Variants in CEP162 observed in about 807,000 individuals in gnomAD.
The protein encoded by CEP162 is centrosomal protein of 162 kDa.
Under a neutral mutation model 169.2 loss-of-function variants are expected in CEP162, and 141 were observed. The ratio of observed to expected loss-of-function variants is 0.83; its 90% confidence interval spans 0.73 to 0.96. The LOEUF is 0.96. Among genes scored for constraint, CEP162 ranks in the 40% least tolerant of loss-of-function variants. CEP162 has a pLI of 0.00. For synonymous variants in CEP162, 540 were observed against 526.4 expected (o/e 1.03, Z -0.35); for missense variants, 1,600 against 1,587.2 (o/e 1.01, Z -0.14).
chr6:84,165,806 G>T (rs2099527590), intron 18 of CEP162, among the ~76,000 whole-genome samples: 1 of 152,138 alleles, frequency 6.6e-6, no homozygotes, highest in Admixed American at 6.5e-5. Flanking sequence ...AAAAGCATTT[G>T]TAAAGCATTA....
chr6:84,215,558 T>C (rs561342365), intron 4 of CEP162, 93 bp from the exon 5 acceptor site: 238 of 1,220,464 alleles, frequency 2.0e-4, no homozygotes, highest in Non-Finnish European at 2.5e-4. Flanking sequence ...GTAGTAAATT[T>C]TAAAAATTTT....
intron 24 of CEP162, 62 bp from the exon 25 acceptor site, chr6:84,146,847 A>T: frequency 1.2e-6 from 1 of 848,758 alleles, no homozygotes; most frequent in Non-Finnish European, 1.8e-6. Context: ...TCTGAAAAAT[A>T]TAAGAAAGCC....
chr6:84,191,097 G>A (rs951033731), intron 11 of CEP162, among the ~76,000 whole-genome samples: 1 of 151,762 alleles, frequency 6.6e-6, no homozygotes, highest in Admixed American at 6.6e-5. Context: ...GGACCAAAGC[G>A]ATTATTAAGT....
intron 5 of CEP162, among the ~76,000 whole-genome samples, chr6:84,213,977 C>T (rs949070334): frequency 3.3e-5 from 5 of 152,160 alleles, no homozygotes; most frequent in Non-Finnish European, 5.9e-5. Flanking sequence ...TTTCCACTTA[C>T]TATAAAAGTA....
chr6:84,222,250 T>C (rs1203481707), intron 2 of CEP162, among the ~76,000 whole-genome samples: 1 of 152,160 alleles, frequency 6.6e-6, no homozygotes, highest in East Asian at 1.9e-4. Flanking sequence ...TTATCCTCCC[T>C]GATCACATCA....
chr6:84,209,152 G>C (rs564120195), intron 6 of CEP162, among the ~76,000 whole-genome samples: 1 of 152,202 alleles, frequency 6.6e-6, no homozygotes, highest in African/African-American at 2.4e-5. Flanking sequence ...TCAATTCCCG[G>C]TTCCACTACT....
At chr6:84,164,263 A>C (rs1360003572) in intron 18 of CEP162, among the ~76,000 whole-genome samples, 4 of 152,224 alleles carry the variant, frequency 2.6e-5, no homozygotes, top group Non-Finnish European at 2.9e-5. Flanking sequence ...AGCGTAAATT[A>C]GTTCAACCAT....
intron 13 of CEP162, among the ~76,000 whole-genome samples, chr6:84,184,200 G>C (rs2099536114): frequency 6.6e-6 from 1 of 152,054 alleles, no homozygotes; most frequent in Non-Finnish European, 1.5e-5. Flanking sequence ...CTCGTACATT[G>C]TCAATTATTT....
At position 84,186,583 on chromosome 6, in the gene CEP162, T is replaced by TA. The variant is rs2127713854; in HGVS notation, c.1149dup (p.Ser384Ter). 2 of 1,606,522 alleles carry TA rather than the reference T, an allele frequency of 1.2e-6. No homozygotes were observed. The highest frequency in any genetic ancestry group is 1.1e-5 in the South Asian group (1 of 89,902). On this transcript the variant is annotated frameshift_variant, in exon 12 of 27. Transcript: ENST00000403245. LOFTEE classifies it high-confidence loss of function. Reference sequence around the variant, plus strand: ...GGGTTCATCTTCAGGGGTAAAGAGCTAAAAAATTCAGTTTCTTTTCTTTCG... The same window carrying TA: ...GGGTTCATCTTCAGGGGTAAAGAGCTAAAAAAATTCAGTTTCTTTTCTTTCG...
At chr6:84,132,700 AT>A (rs1562913262) in intron 25 of CEP162, among the ~76,000 whole-genome samples, 2 of 152,084 alleles carry the variant, frequency 1.3e-5, no homozygotes. Context: ...CCATCAGGTG[AT>A]TTAAGGTCTT....
At chr6:84,132,226 G>A (rs2099511874) in intron 25 of CEP162, among the ~76,000 whole-genome samples, 1 of 152,104 alleles carries the variant, frequency 6.6e-6, no homozygotes, top group African/African-American at 2.4e-5. Context: ...TAGTCTGATG[G>A]GCTTCCCTTT....
chr6:84,161,167 A>G (rs2099525618), intron 20 of CEP162, among the ~76,000 whole-genome samples: 1 of 152,122 alleles, frequency 6.6e-6, no homozygotes, highest in Non-Finnish European at 1.5e-5. Flanking sequence ...AGAGGGAGAG[A>G]GTTGATAAGC....
At chr6:84,145,234 C>T (rs1451893363) in intron 25 of CEP162, among the ~76,000 whole-genome samples, 1 of 152,062 alleles carries the variant, frequency 6.6e-6, no homozygotes, top group African/African-American at 2.4e-5. Context: ...AAGGAATTTA[C>T]CTGGATCTAT....
chr6:84,224,038 A>G lies in CEP162; in HGVS notation c.57+2299T>C, dbSNP rs117742607. ...TGATACAGCAATTTCACTCTTTGGC[A>G]TATACACAAGAGGAACAAAAACACA... On this transcript the variant is annotated intron_variant, in intron 2 of 26. Transcript: ENST00000403245. Among the ~76,000 whole-genome samples, 54 of 152,342 alleles carry G rather than the reference A, an allele frequency of 3.5e-4. No individual in the cohort carries two copies. The East Asian group carries it at 0.01, about 28-fold the overall frequency.
intron 14 of CEP162, 21 bp from the exon 15 acceptor site, chr6:84,174,975 T>C: frequency 6.9e-7 from 1 of 1,444,876 alleles, no homozygotes; most frequent in East Asian, 2.3e-5. Flanking sequence ...AAAGCATTAC[T>C]TCATTACAGT....
intron 7 of CEP162, 115 bp from the exon 8 acceptor site, chr6:84,201,882 G>C (rs996237367): frequency 4.0e-5 from 22 of 549,104 alleles, no homozygotes; most frequent in Non-Finnish European, 6.8e-5. Flanking sequence ...ACATTGAAAC[G>C]ATCAGGAACT....
intron 15 of CEP162, among the ~76,000 whole-genome samples, chr6:84,174,465 T>C (rs1341966932): frequency 2.0e-5 from 3 of 152,164 alleles, no homozygotes; most frequent in African/African-American, 7.2e-5. Context: ...AAGGTCAGAA[T>C]GAACTGATTT....
intron 25 of CEP162, among the ~76,000 whole-genome samples, chr6:84,132,489 A>G (rs533961217): frequency 2.6e-5 from 4 of 152,286 alleles, no homozygotes; most frequent in African/African-American, 9.6e-5. Context: ...CCAATCAGAC[A>G]TAGATTTGGT....
chr6:84,185,329 A>T lies in CEP162; in HGVS notation c.1521T>A (p.Tyr507Ter), dbSNP rs771038214. 1.2e-6 allele frequency: 2 copies of T among 1,613,672 alleles called. No homozygotes were observed. Among genetic ancestry groups the T allele is most frequent in the Non-Finnish European group, 1.7e-6 (2 of 1,179,704 alleles). The change falls in exon 13 of 27, where the codon TAT (tyrosine) becomes TAA (stop). Residue 507 changes from tyrosine to a stop codon, truncating the protein, a stop_gained. Coordinates refer to ENST00000403245, the MANE Select transcript of CEP162 (RefSeq NM_014895.4). LOFTEE classifies it high-confidence loss of function. ...LLKRKPQSGL[Y>*]ASVRSSGYGK... ...CATAGCCTGAGCTCCTAACTGACGC[A>T]TATAATCCACTCTGGGGTTTCCTTT...
Sources: allele counts gnomAD v4.1 joint callset (sites outside exome capture counted in the v4.1 genomes callset), GRCh38; gene constraint gnomAD v4.1.1; transcripts MANE v1.5; gene names NCBI Gene and HGNC (gene_info 2026-07-23, HGNC 2026-07-21).